Variants in GRIK4 observed in about 807,000 individuals in gnomAD.
The protein encoded by GRIK4 is glutamate receptor ionotropic, kainate 4.
GRIK4 carries 40 observed loss-of-function variants against 104.9 expected under a neutral mutation model. That is an observed-to-expected ratio of 0.38 (90% CI 0.30 to 0.50). GRIK4 has a LOEUF of 0.50. GRIK4 is among the 20% of genes least tolerant of loss of function. GRIK4 has a pLI of 0.93. For synonymous variants in GRIK4, 485 were observed against 524.9 expected, an observed-to-expected ratio of 0.92 and a Z score of 1.04; for missense variants, 1,047 against 1,308.1, an observed-to-expected ratio of 0.80 and a Z score of 3.08.
chr11:120,967,368 A>C lies in GRIK4; in HGVS notation c.2395+45A>C. The stretch of plus-strand genomic sequence containing the variant: ...TCCTCCTCCTGCCCTAGAGGACCAA[A>C]GTAGCTTGTTTCTCGTGTTCAAATT... On this transcript the variant is annotated intron_variant, in intron 19 of 20. Transcript: ENST00000527524. This position sits in a 1 kb window ranked among gnomAD's most constrained non-coding sequence, Gnocchi z 4.2. 1 of 1,566,738 alleles carries C rather than the reference A, an allele frequency of 6.4e-7. No homozygotes were observed. The highest frequency in any genetic ancestry group is 8.7e-7 in the Non-Finnish European group (1 of 1,155,504).
chr11:120,548,130 G>C (rs1049541172), intron 1 of GRIK4, among the ~76,000 whole-genome samples: 2 of 152,162 alleles, frequency 1.3e-5, no homozygotes, highest in African/African-American at 4.8e-5. Flanking sequence ...ATCAATTGCA[G>C]GCCTGCTGGA....
At chr11:120,828,592 G>A (rs536824356) in intron 6 of GRIK4, among the ~76,000 whole-genome samples, 1 of 152,328 alleles carries the variant, frequency 6.6e-6, no homozygotes, top group African/African-American at 2.4e-5. Context: ...ATAGTAACCT[G>A]CCTGGCATTG....
intron 15 of GRIK4, among the ~76,000 whole-genome samples, chr11:120,954,081 TG>T (rs1382590711): frequency 6.6e-6 from 1 of 152,016 alleles, no homozygotes; most frequent in Non-Finnish European, 1.5e-5. Context: ...ACTGGATTGA[TG>T]GGGGCACTTG....
intron 3 of GRIK4, among the ~76,000 whole-genome samples, chr11:120,736,429 G>A (rs567188154): frequency 3.0e-4 from 37 of 124,042 alleles, no homozygotes; most frequent in Admixed American, 5.9e-4. Flanking sequence ...TGGTCACTTC[G>A]ACTGGTGTCT....
At chr11:120,809,446 A>G (rs1231776410) in intron 4 of GRIK4, among the ~76,000 whole-genome samples, 1 of 152,138 alleles carries the variant, frequency 6.6e-6, no homozygotes, top group East Asian at 1.9e-4. Flanking sequence ...AATGATTTCC[A>G]TCTCTACTGA....
chr11:120,795,251 A>T (rs545783071), intron 3 of GRIK4, among the ~76,000 whole-genome samples: 20 of 152,190 alleles, frequency 1.3e-4, no homozygotes, highest in Non-Finnish European at 2.4e-4. Flanking sequence ...GGGATTAAGG[A>T]GGCTGCTTTT....
chr11:120,800,811 G>A (rs1456144828), intron 3 of GRIK4, among the ~76,000 whole-genome samples: 1 of 152,206 alleles, frequency 6.6e-6, no homozygotes, highest in African/African-American at 2.4e-5. Flanking sequence ...ATAGAACCTG[G>A]ATCTCTGCGT....
intron 3 of GRIK4, among the ~76,000 whole-genome samples, chr11:120,706,036 C>T (rs1950624208): frequency 6.6e-6 from 1 of 152,176 alleles, no homozygotes; most frequent in South Asian, 2.1e-4. Flanking sequence ...GACTGCTTTC[C>T]AGCATCGGGC....
chr11:120,573,609 C>T (rs1948433073), intron 1 of GRIK4, among the ~76,000 whole-genome samples: 1 of 152,182 alleles, frequency 6.6e-6, no homozygotes, highest in African/African-American at 2.4e-5. Context: ...GCACTTGGGA[C>T]TCAGAATGGT....
intron 3 of GRIK4, among the ~76,000 whole-genome samples, chr11:120,780,772 G>C (rs1364312526): frequency 6.6e-6 from 1 of 151,946 alleles, no homozygotes; most frequent in Non-Finnish European, 1.5e-5. Flanking sequence ...GACAGAGTCT[G>C]GCTCTGTTGA....
intron 11 of GRIK4, among the ~76,000 whole-genome samples, chr11:120,879,800 A>G (rs1334825976): frequency 1.3e-5 from 2 of 152,172 alleles, no homozygotes; most frequent in African/African-American, 2.4e-5. Context: ...TCCATCTCAT[A>G]TCCTCCCTTT....
chr11:120,896,367 A>G (rs1942582076), intron 11 of GRIK4, among the ~76,000 whole-genome samples: 1 of 152,172 alleles, frequency 6.6e-6, no homozygotes, highest in African/African-American at 2.4e-5. Context: ...TGTTGTATGG[A>G]TGTGTATGAG....
In GRIK4 at chr11:120,862,098, A is replaced by C. The variant is rs770635989; in HGVS notation, c.884A>C (p.His295Pro). The change falls in exon 9 of 21, where the codon CAT (histidine) becomes CCT (proline). Residue 295 changes from histidine (H) to proline (P), a missense_variant. Transcript: ENST00000527524. Reference sequence around the variant, plus strand: ...CAGTCCTGGCAGGAGAACTGTGACCATGTGCCCTTCACTGGGCCTGCGGTA... The same window carrying C: ...CAGTCCTGGCAGGAGAACTGTGACCCTGTGCCCTTCACTGGGCCTGCGGTA... Reference protein sequence around the residue: ...LNQSWQENCDHVPFTGPALSS... With the variant: ...LNQSWQENCDPVPFTGPALSS... The C allele has an allele frequency of 1.9e-6, 3 of 1,613,934 alleles. No homozygotes were observed. Among genetic ancestry groups the C allele is most frequent in the African/African-American group, 2.7e-5 (2 of 74,928 alleles).
At chr11:120,627,926 A>C (rs1006651047) in intron 1 of GRIK4, among the ~76,000 whole-genome samples, 2 of 152,210 alleles carry the variant, frequency 1.3e-5, no homozygotes, top group African/African-American at 4.8e-5. Context: ...TGCTGCTAGC[A>C]ATTTGCTGTG....
At chr11:120,622,296 A>G (rs1265617112) in intron 1 of GRIK4, among the ~76,000 whole-genome samples, 1 of 152,172 alleles carries the variant, frequency 6.6e-6, no homozygotes, top group Non-Finnish European at 1.5e-5. Context: ...ACTAGGTACT[A>G]TTACTACCCC....
At chr11:120,579,213 C>T (rs1010309648) in intron 1 of GRIK4, among the ~76,000 whole-genome samples, 9 of 146,282 alleles carry the variant, frequency 6.2e-5, no homozygotes, top group African/African-American at 2.2e-4. Flanking sequence ...AGTGACAGCA[C>T]ACGACAAAAT....
At chr11:120,784,468 C>T (rs754128720) in intron 3 of GRIK4, among the ~76,000 whole-genome samples, 6 of 152,106 alleles carry the variant, frequency 3.9e-5, no homozygotes, top group Non-Finnish European at 8.8e-5. Flanking sequence ...TTGGTGTGGT[C>T]AGACCTCTGG....
At chr11:120,970,632 C>T (rs1944459537) in intron 19 of GRIK4, among the ~76,000 whole-genome samples, 1 of 151,892 alleles carries the variant, frequency 6.6e-6, no homozygotes, top group African/African-American at 2.4e-5. Flanking sequence ...GAGGGCAGCC[C>T]CATTGGCAAG....
In GRIK4 at chr11:120,819,676, C is replaced by A; in HGVS notation, c.346-79C>A. The A allele has an allele frequency of 2.2e-6, 3 of 1,375,106 alleles. No homozygotes were observed. The highest frequency in any genetic ancestry group is 3.1e-6 in the Non-Finnish European group (3 of 967,908). 85.2% of individuals were successfully genotyped at this position (1,375,106 alleles called of 1,614,324 possible). A position where few individuals can be genotyped will look rare whatever the true frequency, so the allele number is the denominator to read the frequency against. On this transcript the variant is annotated intron_variant, in intron 5 of 20. Coordinates refer to ENST00000527524, the MANE Select transcript of GRIK4 (RefSeq NM_014619.5). This position sits in a 1 kb window ranked among gnomAD's most constrained non-coding sequence, Gnocchi z 4.3. The stretch of plus-strand genomic sequence containing the variant: ...ACATAAAAGAACTCACCCTCCACAA[C>A]CTCAGCTCACTCATCCCTCTTTCTT...
Sources: allele counts gnomAD v4.1 joint callset (sites outside exome capture counted in the v4.1 genomes callset), GRCh38; gene constraint gnomAD v4.1.1; non-coding constraint Gnocchi (gnomAD v3.1); transcripts MANE v1.5; gene names NCBI Gene and HGNC (gene_info 2026-07-23, HGNC 2026-07-21).